NLGN1: variants seen among roughly 807,000 people sequenced by gnomAD.
NLGN1 encodes the protein neuroligin 1.
Under a neutral mutation model 65.5 loss-of-function variants are expected in NLGN1, and 12 were observed. The ratio of observed to expected loss-of-function variants is 0.18; its 90% confidence interval spans 0.12 to 0.30. NLGN1 has a LOEUF of 0.30. NLGN1 is among the 10% of genes least tolerant of loss of function. The pLI is 1.00. For missense variants in NLGN1, 750 were observed against 1,007.1 expected (o/e 0.74, Z 3.46); for synonymous variants, 350 against 359.5 (o/e 0.97, Z 0.30).
chr3:174,154,989 AT>A (rs1725132033), intron 4 of NLGN1, among the ~76,000 whole-genome samples: 1 of 102,538 alleles, frequency 9.8e-6, no homozygotes, highest in African/African-American at 4.8e-5. Flanking sequence ...ATTATATTAT[AT>A]ATTATATATA....
Position 174,117,932 on chromosome 3 carries a change from A to T in NLGN1, c.647-157383A>T, listed in dbSNP as rs185076345. ...TCGAATACTCTATTTCAGGATCTGAACTAATCTGGCTTCAAAGAGAACAAA... is the reference window on the plus strand; with the variant it reads ...TCGAATACTCTATTTCAGGATCTGATCTAATCTGGCTTCAAAGAGAACAAA... On this transcript the variant is annotated intron_variant, in intron 4 of 6. Transcript: ENST00000457714. Among the ~76,000 whole-genome samples the T allele has an allele frequency of 3.8e-3, 575 of 152,310 alleles. 1 individual carries two copies. Among genetic ancestry groups the T allele is most frequent in the Non-Finnish European group, 5.2e-3 (355 of 68,010 alleles).
chr3:173,936,126 T>G (rs560445138), intron 4 of NLGN1, among the ~76,000 whole-genome samples: 24 of 152,024 alleles, frequency 1.6e-4, no homozygotes, highest in Admixed American at 1.4e-3. Context: ...TTTTCATAGA[T>G]CTTATGTAAT....
At chr3:174,123,633 A>G (rs563787836) in intron 4 of NLGN1, among the ~76,000 whole-genome samples, 15 of 152,170 alleles carry the variant, frequency 9.9e-5, no homozygotes, top group African/African-American at 3.6e-4. Context: ...CGCTTCCATT[A>G]CTGAAGCTCT....
intron 4 of NLGN1, among the ~76,000 whole-genome samples, chr3:174,134,842 G>A (rs1031487512): frequency 6.6e-6 from 1 of 152,078 alleles, no homozygotes; most frequent in African/African-American, 2.4e-5. Context: ...AGAGGCGAAG[G>A]TCTAATTCCA....
intron 3 of NLGN1, among the ~76,000 whole-genome samples, chr3:173,712,032 G>A (rs184557766): frequency 2.0e-5 from 3 of 152,296 alleles, no homozygotes; most frequent in South Asian, 2.1e-4. Flanking sequence ...AATCTACAGA[G>A]TATTGGGTTT....
At chr3:173,683,583 C>T (rs1764271770) in intron 3 of NLGN1, among the ~76,000 whole-genome samples, 3 of 152,090 alleles carry the variant, frequency 2.0e-5, no homozygotes, top group South Asian at 2.1e-4. Flanking sequence ...TTCCCTATTC[C>T]CATGGTAATC....
chr3:173,532,993 C>T (rs572680244), intron 2 of NLGN1, among the ~76,000 whole-genome samples: 20 of 152,156 alleles, frequency 1.3e-4, no homozygotes, highest in Non-Finnish European at 2.9e-4. Flanking sequence ...TGGCCTCCAG[C>T]TGATTAATTT....
chr3:173,603,763 GT>G (rs1750940843), intron 2 of NLGN1, among the ~76,000 whole-genome samples: 1 of 151,966 alleles, frequency 6.6e-6, no homozygotes, highest in Admixed American at 6.6e-5. Context: ...GAATTTTCTT[GT>G]CCTCATATTA....
intron 3 of NLGN1, among the ~76,000 whole-genome samples, chr3:173,716,916 C>T (rs1769956328): frequency 6.6e-6 from 1 of 152,116 alleles, no homozygotes; most frequent in Non-Finnish European, 1.5e-5. Flanking sequence ...GGGTCTGCCT[C>T]ATACCGTTTA....
At chr3:174,281,928 A>C (rs1577806030) in exon 7 of NLGN1, 1 of 152,470 alleles carries the variant, frequency 6.6e-6, no homozygotes, top group Middle Eastern at 3.4e-3. Context: ...GTGCATGATA[A>C]TTTATATGCT....
At chr3:173,936,843 A>T (rs1169521227) in intron 4 of NLGN1, among the ~76,000 whole-genome samples, 1 of 152,076 alleles carries the variant, frequency 6.6e-6, no homozygotes, top group East Asian at 1.9e-4. Context: ...TTTAAAAATT[A>T]GAGAATTTTG....
At chr3:173,628,678 T>A (rs1755179477) in intron 3 of NLGN1, among the ~76,000 whole-genome samples, 1 of 151,860 alleles carries the variant, frequency 6.6e-6, no homozygotes, top group South Asian at 2.1e-4. Flanking sequence ...GGATGTAATA[T>A]TTTATTTTAT....
At chr3:173,665,175 G>A (rs962403339) in intron 3 of NLGN1, among the ~76,000 whole-genome samples, 1 of 152,062 alleles carries the variant, frequency 6.6e-6, no homozygotes, top group African/African-American at 2.4e-5. Context: ...GTTGGGGAAG[G>A]GACCTCATGG....
intron 3 of NLGN1, among the ~76,000 whole-genome samples, chr3:173,767,685 G>A (rs1778982681): frequency 6.6e-6 from 1 of 151,660 alleles, no homozygotes; most frequent in Non-Finnish European, 1.5e-5. Context: ...ATAAGTACAG[G>A]GAACATAGAG....
chr3:173,931,270 A>G (rs1449796188), intron 4 of NLGN1, among the ~76,000 whole-genome samples: 1 of 152,186 alleles, frequency 6.6e-6, no homozygotes, highest in African/African-American at 2.4e-5. Flanking sequence ...GGGGAAGTCA[A>G]TAAGAAGCTA....
At chr3:173,739,671 T>A (rs1287756041) in intron 3 of NLGN1, among the ~76,000 whole-genome samples, 18 of 151,988 alleles carry the variant, frequency 1.2e-4, no homozygotes, top group Admixed American at 1.2e-3. Flanking sequence ...GGAAAAAAAA[T>A]GACTCTATTT....
chr3:173,873,879 C>G (rs1216458738), intron 4 of NLGN1, among the ~76,000 whole-genome samples: 2 of 152,098 alleles, frequency 1.3e-5, no homozygotes, highest in African/African-American at 4.8e-5. Flanking sequence ...GAGACAGGAC[C>G]TCTAAAGATA....
chr3:174,095,539 A>G (rs1037723731), intron 4 of NLGN1, among the ~76,000 whole-genome samples: 1 of 125,262 alleles, frequency 8.0e-6, no homozygotes. Context: ...ATATCTATAT[A>G]TATATATATA....
chr3:173,717,783 C>T (rs1229464068), intron 3 of NLGN1, among the ~76,000 whole-genome samples: 1 of 151,996 alleles, frequency 6.6e-6, no homozygotes, highest in Non-Finnish European at 1.5e-5. Flanking sequence ...AACTCTGGCC[C>T]TCAGGAGACA....
Sources: allele counts gnomAD v4.1 joint callset (sites outside exome capture counted in the v4.1 genomes callset), GRCh38; gene constraint gnomAD v4.1.1; transcripts MANE v1.5; gene names NCBI Gene and HGNC (gene_info 2026-07-23, HGNC 2026-07-21).